NDUFAF6: variants seen among roughly 807,000 people sequenced by gnomAD.
NDUFAF6 encodes NADH dehydrogenase (ubiquinone) complex I, assembly factor 6.
A neutral mutation model predicts 40.8 loss-of-function variants in NDUFAF6; 45 were observed. The observed-to-expected ratio is 1.10, with a 90% CI of 0.87 to 1.42. The LOEUF is 1.42. NDUFAF6 is among the 40% of genes most tolerant of loss of function. NDUFAF6 has a pLI of 0.00. For synonymous variants in NDUFAF6, 185 were observed against 155.9 expected (o/e 1.19, Z -1.39); for missense variants, 435 against 418.5 (o/e 1.04, Z -0.34).
intron 5 of NDUFAF6, 79 bp downstream of exon 5, chr8:95,045,726 C>T: frequency 8.3e-7 from 1 of 1,207,318 alleles, no homozygotes. Flanking sequence ...ATTTGGTAAT[C>T]TAACCAGTTT....
intron 1 of NDUFAF6, chr8:94,926,854 G>C (rs1031939926): frequency 1.3e-5 from 2 of 152,134 alleles, no homozygotes; most frequent in Non-Finnish European, 2.9e-5. Context: ...GTATCATGTA[G>C]GTTTTCTAAA....
At chr8:95,000,141 A>G (rs1232152822) in intron 2 of NDUFAF6, among the ~76,000 whole-genome samples, 5 of 152,136 alleles carry the variant, frequency 3.3e-5, no homozygotes, top group Admixed American at 3.3e-4. Flanking sequence ...ATTCGAGACC[A>G]GCCTGGGCAA....
upstream of NDUFAF6, among the ~76,000 whole-genome samples, chr8:94,956,156 TG>T (rs1176899817): frequency 6.6e-6 from 1 of 152,218 alleles, no homozygotes; most frequent in African/African-American, 2.4e-5. Flanking sequence ...CCTCCTTCAG[TG>T]GTTCCGAGGT....
intron 2 of NDUFAF6, among the ~76,000 whole-genome samples, chr8:95,005,813 A>G (rs1826952394): frequency 6.6e-6 from 1 of 151,614 alleles, no homozygotes; most frequent in African/African-American, 2.4e-5. Context: ...CTCCACCCCA[A>G]CTGGACAGCT....
rs540729941 is a variant in NDUFAF6, at chr8:95,087,330, C to G, written n.213+11578C>G. On this transcript the variant is annotated intron_variant and non_coding_transcript_variant, in intron 2 of 5. Coordinates refer to the NDUFAF6 transcript ENST00000523184. ...GGCATCCCCAAAGATTTTTTTTATA[C>G]CCATATCTGTGATTCTTTGTACTTT... Among the ~76,000 whole-genome samples, 3 of 152,288 alleles carry G rather than the reference C, an allele frequency of 2.0e-5. No homozygotes were observed. In the East Asian group the frequency reaches 5.8e-4, roughly 29 times the overall value.
intron 2 of NDUFAF6, chr8:94,949,961 G>A (rs1822432553): frequency 6.6e-6 from 1 of 152,622 alleles, no homozygotes; most frequent in Non-Finnish European, 1.5e-5. Flanking sequence ...CAATCACGGA[G>A]CCAGGCCCCA....
chr8:94,918,714 C>T (rs1370185908), intron 1 of NDUFAF6, among the ~76,000 whole-genome samples: 1 of 152,166 alleles, frequency 6.6e-6, no homozygotes, highest in Non-Finnish European at 1.5e-5. Context: ...TTGCTTCCTC[C>T]TCCTTTTGCC....
intron 3 of NDUFAF6, chr8:95,036,560 A>G: frequency 8.3e-7 from 1 of 1,208,532 alleles, no homozygotes; most frequent in African/African-American, 1.6e-5. Context: ...TAGGTGACTC[A>G]CTAAAAAGTT....
chr8:95,116,086 C>G (rs1810128771), intron 5 of NDUFAF6, among the ~76,000 whole-genome samples: 1 of 151,920 alleles, frequency 6.6e-6, no homozygotes, highest in East Asian at 1.9e-4. Flanking sequence ...TGCAGTGAGC[C>G]AAGATCGCGC....
chr8:95,079,936 G>T (rs67080173), downstream of NDUFAF6, among the ~76,000 whole-genome samples: 160 of 131,700 alleles, frequency 1.2e-3, 14 homozygotes, highest in African/African-American at 3.7e-3. Flanking sequence ...AGTGATTTTT[G>T]GTAGTGTATT....
intron 4 of NDUFAF6, among the ~76,000 whole-genome samples, chr8:95,113,386 G>A (rs144155802): frequency 1.3e-5 from 2 of 151,952 alleles, no homozygotes; most frequent in African/African-American, 4.8e-5. Flanking sequence ...TGGGAGGGAG[G>A]TCTCATGGAG....
At chr8:94,933,151 G>C (rs568217609) in intron 1 of NDUFAF6, among the ~76,000 whole-genome samples, 1 of 152,190 alleles carries the variant, frequency 6.6e-6, no homozygotes, top group African/African-American at 2.4e-5. Context: ...CCAGTGCGGA[G>C]GTTGCAGTGA....
At chr8:95,053,712 G>A (rs540547443) in intron 8 of NDUFAF6, among the ~76,000 whole-genome samples, 1 of 150,502 alleles carries the variant, frequency 6.6e-6, no homozygotes, top group Non-Finnish European at 1.5e-5. Flanking sequence ...TGCAGCCTCC[G>A]CCTCCCAGGT....
downstream of NDUFAF6, among the ~76,000 whole-genome samples, chr8:95,081,053 A>C (rs2678837): frequency 6.7e-6 from 1 of 149,342 alleles, no homozygotes; most frequent in Non-Finnish European, 1.5e-5. Flanking sequence ...TGATGGCTGC[A>C]CTGTCTTAGG....
intron 3 of NDUFAF6, 147 bp from the exon 4 acceptor site, chr8:95,041,423 A>T: frequency 1.7e-6 from 1 of 598,888 alleles, no homozygotes. Flanking sequence ...TTTTTCCCTG[A>T]TACTTCTTTA....
At position 95,057,986 on chromosome 8, in the gene NDUFAF6, A is replaced by G; in HGVS notation, c.*49A>G. ...AATTCTAGTCTATTAGTTTTATAAA[A>G]GTTAGGATTCTTATTTAGGAACAAC... On this transcript the variant is annotated 3_prime_UTR_variant, in exon 9 of 9. Transcript: ENST00000396124. 2.6e-6 allele frequency: 4 copies of G among 1,526,876 alleles called. No individual in the cohort carries two copies. In the Middle Eastern group the frequency reaches 5.4e-4, roughly 207 times the overall value. The allele number at this position is 1,526,876 out of a possible 1,614,324, so 94.6% of individuals were successfully genotyped here. A position where few individuals can be genotyped will look rare whatever the true frequency, so the allele number is the denominator to read the frequency against.
rs570457180 is a variant in NDUFAF6, at chr8:94,899,404, T to A, written c.-936+3477T>A. On this transcript the variant is annotated intron_variant, in intron 1 of 14. Coordinates refer to the NDUFAF6 transcript ENST00000396113. ...TGGGAGTGAACTTAGTCATTCCTTT[T>A]TTCTTCTTTTCTGAGCTTCATAATC... Among the ~76,000 whole-genome samples, 18 of 152,346 alleles carry A rather than the reference T, an allele frequency of 1.2e-4. 1 individual carries two copies. The South Asian group carries it at 3.7e-3, about 32-fold the overall frequency.
intron 1 of NDUFAF6, among the ~76,000 whole-genome samples, chr8:94,925,357 T>TATAAG: frequency 6.6e-6 from 1 of 152,294 alleles, no homozygotes; most frequent in African/African-American, 2.4e-5. Context: ...AAAACACTTC[T>TATAAG]ATAAGATTCC....
chr8:95,045,494 T>C, intron 4 of NDUFAF6, 51 bp from the exon 5 acceptor site: 1 of 1,350,974 alleles, frequency 7.4e-7, no homozygotes, highest in Non-Finnish European at 1.1e-6. Flanking sequence ...ACCTTTTCTT[T>C]CTAAAATATT....
Sources: gnomAD v4.1 joint callset for allele counts (sites outside exome capture counted in the v4.1 genomes callset) on GRCh38, gnomAD v4.1.1 for gene constraint, MANE v1.5 for transcripts, NCBI Gene and HGNC (gene_info 2026-07-23, HGNC 2026-07-21) for gene names.